USH2A: variants seen among roughly 807,000 people sequenced by gnomAD.
USH2A encodes Usher syndrome 2A (autosomal recessive, mild).
In USH2A, 443 loss-of-function variants were observed where a neutral mutation model predicts 538.9. That is an observed-to-expected ratio of 0.82 (90% CI 0.76 to 0.89). The LOEUF is 0.89. USH2A is among the 40% of genes least tolerant of loss of function. The probability of loss-of-function intolerance (pLI) is 0.00; values close to 1 mark genes in which losing one functional copy is unlikely to be tolerated. For missense variants in USH2A, 6,633 were observed against 6,324.8 expected, an observed-to-expected ratio of 1.05 and a Z score of -1.65; for synonymous variants, 2,413 against 2,273.5, an observed-to-expected ratio of 1.06 and a Z score of -1.75.
chr1:215,658,701 G>A (rs1395486913), intron 64 of USH2A, among the ~76,000 whole-genome samples: 4 of 152,176 alleles, frequency 2.6e-5, no homozygotes, highest in Non-Finnish European at 4.4e-5. Context: ...CACAAACAAC[G>A]TGACATCCAT....
chr1:215,759,472 T>C (rs1660914641), intron 57 of USH2A, among the ~76,000 whole-genome samples, 188 bp downstream of exon 57: 1 of 152,182 alleles, frequency 6.6e-6, no homozygotes, highest in Non-Finnish European at 1.5e-5. Context: ...GAATTATTTA[T>C]ATTTTTAAGA....
chr1:215,691,408 A>G (rs1658604472), intron 61 of USH2A, among the ~76,000 whole-genome samples: 2 of 152,056 alleles, frequency 1.3e-5, no homozygotes, highest in Admixed American at 6.6e-5. Context: ...GTCTTGTTGA[A>G]AATTTTAAAA....
intron 20 of USH2A, among the ~76,000 whole-genome samples, chr1:216,183,170 C>A (rs1475542505): frequency 6.6e-6 from 1 of 152,016 alleles, no homozygotes. Flanking sequence ...AAAGTGACAT[C>A]ATCCTTTCAT....
At chr1:215,832,495 A>G (rs1357310302) in intron 47 of USH2A, among the ~76,000 whole-genome samples, 1 of 152,018 alleles carries the variant, frequency 6.6e-6, no homozygotes, top group Non-Finnish European at 1.5e-5. Flanking sequence ...ATCAGTAAAT[A>G]TAATCGATCA....
chr1:215,892,932 G>A (rs1417169914), intron 40 of USH2A, among the ~76,000 whole-genome samples: 2 of 152,112 alleles, frequency 1.3e-5, no homozygotes, highest in Admixed American at 6.6e-5. Flanking sequence ...CTGATATCAG[G>A]AGAGTATTGT....
At chr1:216,000,363 G>A in intron 33 of USH2A, 40 bp downstream of exon 33, 1 of 1,612,190 alleles carries the variant, frequency 6.2e-7, no homozygotes, top group Non-Finnish European at 8.5e-7. Context: ...TGAGATTCTT[G>A]CATGAACCAG....
chr1:215,890,868 A>G (rs551671958), intron 40 of USH2A, among the ~76,000 whole-genome samples: 3 of 152,196 alleles, frequency 2.0e-5, no homozygotes, highest in Non-Finnish European at 4.4e-5. Flanking sequence ...CGTAAAATCA[A>G]TGGTGGAGAT....
rs993511887 is a variant in USH2A at position 216,048,401 on chromosome 1, T to C, written c.6163+133A>G. On this transcript the variant is annotated intron_variant, in intron 31 of 71. Coordinates refer to ENST00000307340, the MANE Select transcript of USH2A (RefSeq NM_206933.4). ...ACCCCCCCAAAAAATGGAGCAATTA[T>C]GGCCTGGCAATGCACTTTGTCATCA... The C allele has an allele frequency of 4.5e-6, 4 of 880,592 alleles. No homozygotes were observed. The Admixed American group carries it at 5.8e-5, about 13-fold the overall frequency. The allele number at this position is 880,592 out of a possible 1,614,324, so 54.5% of individuals were successfully genotyped here.
chr1:215,868,966 C>G (rs530188871), intron 43 of USH2A, among the ~76,000 whole-genome samples: 1 of 152,132 alleles, frequency 6.6e-6, no homozygotes, highest in Admixed American at 6.5e-5. Flanking sequence ...TTCAAGCCAC[C>G]CAGTATGTGA....
chr1:215,699,656 C>T (rs1005931541), intron 61 of USH2A, among the ~76,000 whole-genome samples: 2 of 152,170 alleles, frequency 1.3e-5, no homozygotes, highest in African/African-American at 4.8e-5. Flanking sequence ...GATTTTTGCA[C>T]ATTGATTTTG....
chr1:216,214,513 AG>A (rs2102492073), intron 15 of USH2A, among the ~76,000 whole-genome samples: 1 of 152,180 alleles, frequency 6.6e-6, no homozygotes, highest in South Asian at 2.1e-4. Context: ...ATCTCATCAA[AG>A]ACCCTATAAC....
intron 3 of USH2A, among the ~76,000 whole-genome samples, chr1:216,390,219 A>T (rs1468012601): frequency 6.6e-6 from 1 of 152,202 alleles, no homozygotes; most frequent in East Asian, 1.9e-4. Context: ...ATGATTTCCA[A>T]GCTAGGTTTA....
chr1:216,267,809 G>T (rs1050169076), intron 11 of USH2A, among the ~76,000 whole-genome samples: 1 of 151,986 alleles, frequency 6.6e-6, no homozygotes, highest in Non-Finnish European at 1.5e-5. Context: ...CTCCCCAAGG[G>T]CCAGAACCTT....
In USH2A at chr1:216,419,069, C is replaced by A. The variant is rs374270086; in HGVS notation, c.486-390G>T. 2.4e-3 allele frequency among the ~76,000 whole-genome samples: 362 copies of A among 152,066 alleles called. 3 individuals are homozygous for A. Among genetic ancestry groups the A allele is most frequent in the African/African-American group, 8.5e-3 (353 of 41,504 alleles). ...CCGCTTGAGTATTAAGTCATCAGTGCAAAAATTTTTTTTTAATGTAAAGCA... is the reference window on the plus strand; with the variant it reads ...CCGCTTGAGTATTAAGTCATCAGTGAAAAAATTTTTTTTTAATGTAAAGCA... On this transcript the variant is annotated intron_variant, in intron 2 of 71. Transcript: ENST00000307340.
chr1:215,743,163 T>C lies in USH2A; in HGVS notation c.11548+14A>G, dbSNP rs773663772. The C allele has an allele frequency of 6.2e-7, 1 of 1,607,142 alleles. No individual in the cohort carries two copies. The highest frequency in any genetic ancestry group is 8.5e-7 in the Non-Finnish European group (1 of 1,175,872). The stretch of plus-strand genomic sequence containing the variant: ...TTCATAAAAGCCCAGGCCAAGTGTC[T>C]GAAAGACTTTCACCATTTTGACATG... On this transcript the variant is annotated intron_variant, in intron 59 of 71. Coordinates refer to ENST00000307340, the MANE Select transcript of USH2A (RefSeq NM_206933.4).
chr1:215,797,359 T>C (rs4559473), intron 50 of USH2A, among the ~76,000 whole-genome samples: 5 of 152,164 alleles, frequency 3.3e-5, no homozygotes, highest in African/African-American at 1.2e-4. Context: ...AGATCACTGA[T>C]GAAGGTGGCT....
At chr1:215,757,121 A>T (rs1179260389) in intron 58 of USH2A, among the ~76,000 whole-genome samples, 1 of 152,162 alleles carries the variant, frequency 6.6e-6, no homozygotes, top group Non-Finnish European at 1.5e-5. Context: ...TTTGTGATGC[A>T]TTCTGCCACT....
In USH2A at chr1:216,422,428, C is replaced by A; in HGVS notation, c.-92G>T. 6 of 1,576,000 alleles carry A rather than the reference C, an allele frequency of 3.8e-6. No homozygotes were observed. The highest frequency in any genetic ancestry group is 5.2e-6 in the Non-Finnish European group (6 of 1,155,582). ...GCCAGCAATACTTTGAAGCAGGGTA[C>A]TTTAAGTGATGTTGCGATACTCCAT... On this transcript the variant is annotated 5_prime_UTR_variant, in exon 2 of 72. Transcript: ENST00000307340.
chr1:215,740,267 A>C (rs1243535764), intron 60 of USH2A, among the ~76,000 whole-genome samples: 5 of 152,128 alleles, frequency 3.3e-5, no homozygotes, highest in African/African-American at 1.2e-4. Flanking sequence ...ATTAATTTAA[A>C]GCAATGTTCA....
Sources: allele counts gnomAD v4.1 joint callset (sites outside exome capture counted in the v4.1 genomes callset), GRCh38; gene constraint gnomAD v4.1.1; transcripts MANE v1.5; gene names NCBI Gene and HGNC (gene_info 2026-07-23, HGNC 2026-07-21).